DST: variants seen among roughly 807,000 people sequenced by gnomAD.
DST encodes the protein bullous pemphigoid antigen.
DST carries 253 observed loss-of-function variants against 875.2 expected under a neutral mutation model. The ratio of observed to expected loss-of-function variants is 0.29; its 90% confidence interval spans 0.26 to 0.32. DST has a LOEUF of 0.32. Among genes scored for constraint, DST ranks in the 10% least tolerant of loss-of-function variants. The pLI is 1.00. For synonymous variants in DST, 3,124 were observed against 3,197.1 expected (o/e 0.98, Z 0.77); for missense variants, 8,287 against 9,111.6 (o/e 0.91, Z 3.68).
In DST at chr6:56,606,847, A is replaced by T; in HGVS notation, c.7781T>A (p.Leu2594Gln). ...TGTGTTATTCTGCTGATCATTCAGC[A>T]GTGACGTTTCATAGTCACTAGCACT... ...TISASDYETS[L>Q]LNDQQNNTGT... is the part of the protein sequence containing the mutation. Residue 2594 changes from leucine (L) to glutamine (Q), a missense_variant, in exon 40 of 104, where the codon CTG (leucine) becomes CAG (glutamine). Physicochemically the swap from Leu to Gln is moderately radical, Grantham distance 113. This residue lies in a region of DST where 3,138 missense variants were observed against 3,116.6 expected (regional missense o/e 1.01). Coordinates refer to ENST00000680361, the MANE Select transcript of DST (RefSeq NM_001374736.1). 1 of 1,613,370 alleles carries T rather than the reference A, an allele frequency of 6.2e-7. No homozygotes were observed. Among genetic ancestry groups the T allele is most frequent in the Non-Finnish European group, 8.5e-7 (1 of 1,179,600 alleles).
intron 2 of DST, among the ~76,000 whole-genome samples, chr6:56,935,854 G>A (rs980379361): frequency 6.6e-6 from 1 of 151,342 alleles, no homozygotes; most frequent in Non-Finnish European, 1.5e-5. Flanking sequence ...GAACCCGGGA[G>A]GCAGAGGTTG....
At chr6:56,601,331 T>G in intron 44 of DST, 112 bp downstream of exon 44, 1 of 656,932 alleles carries the variant, frequency 1.5e-6, no homozygotes, top group Non-Finnish European at 2.7e-6. Context: ...CTGTATCTTA[T>G]CCATTAATGC....
chr6:56,703,367 T>C (rs879700313), intron 7 of DST, among the ~76,000 whole-genome samples: 1 of 152,188 alleles, frequency 6.6e-6, no homozygotes, highest in Non-Finnish European at 1.5e-5. Context: ...ATAAAATTGT[T>C]TAACTAAAAT....
chr6:56,629,168 A>G (rs1340652714), intron 32 of DST, 82 bp downstream of exon 32: 3 of 1,348,102 alleles, frequency 2.2e-6, no homozygotes, highest in Non-Finnish European at 3.2e-6. Flanking sequence ...GTAAAAAAAT[A>G]GCCTCATATG....
rs115604048 is a variant in DST at position 56,653,791 on chromosome 6, C to A, written c.1215-2547G>T. Among the ~76,000 whole-genome samples, 967 of 152,312 alleles carry A rather than the reference C, an allele frequency of 6.3e-3. 12 individuals carry two copies. Among genetic ancestry groups the A allele is most frequent in the African/African-American group, 0.023 (936 of 41,552 alleles). ...ACAGAGTGGTGGTCCCTTTGTCTTT[C>A]AAATCTGTCTTTCCTCTACCTGCCT... On this transcript the variant is annotated intron_variant, in intron 10 of 103. Transcript: ENST00000680361.
intron 4 of DST, among the ~76,000 whole-genome samples, chr6:56,796,183 A>T (rs924507281): frequency 3.3e-5 from 5 of 152,242 alleles, no homozygotes; most frequent in African/African-American, 1.2e-4. Context: ...GTTTGGAGAA[A>T]ATAACGTTAA....
intron 64 of DST, 32 bp downstream of exon 64, chr6:56,532,312 T>A (rs1414499597): frequency 6.2e-7 from 1 of 1,604,884 alleles, no homozygotes; most frequent in Non-Finnish European, 8.5e-7. Flanking sequence ...CCACTGCTAC[T>A]CTTTCAAAAG....
At chr6:56,950,520 C>T (rs984873264) in intron 2 of DST, among the ~76,000 whole-genome samples, 4 of 152,156 alleles carry the variant, frequency 2.6e-5, no homozygotes, top group African/African-American at 9.7e-5. Context: ...TTTAAAGTCA[C>T]AGCATAAAGC....
chr6:56,805,692 A>C (rs1406126859), intron 4 of DST, among the ~76,000 whole-genome samples: 1 of 152,220 alleles, frequency 6.6e-6, no homozygotes, highest in Non-Finnish European at 1.5e-5. Context: ...AACTTAAATT[A>C]ATCCTCAAAA....
At chr6:56,863,738 AAAC>A (rs1772525242) in intron 3 of DST, 1 of 152,226 alleles carries the variant, frequency 6.6e-6, no homozygotes, top group Admixed American at 6.5e-5. Context: ...TGTGTCCATA[AAAC>A]AATATGATGA....
At chr6:56,529,002 C>G (rs2096850382) in intron 66 of DST, 77 bp from the exon 67 acceptor site, 1 of 904,556 alleles carries the variant, frequency 1.1e-6, no homozygotes, top group East Asian at 2.6e-5. Context: ...TCTCAGAGAA[C>G]TTTAATTAGA....
At chr6:56,570,310 T>G (rs2097760320) in intron 53 of DST, among the ~76,000 whole-genome samples, 1 of 152,150 alleles carries the variant, frequency 6.6e-6, no homozygotes, top group Non-Finnish European at 1.5e-5. Flanking sequence ...TATATTTACA[T>G]TGTAATATAT....
chr6:56,476,104 A>T, intron 92 of DST, 45 bp downstream of exon 92: 1 of 1,477,792 alleles, frequency 6.8e-7, no homozygotes, highest in Non-Finnish European at 9.1e-7. Flanking sequence ...GAAAGAAAAT[A>T]TCTGAGATAA....
intron 102 of DST, 116 bp from the exon 103 acceptor site, chr6:56,460,370 G>A (rs1403509607): frequency 4.8e-6 from 5 of 1,045,612 alleles, no homozygotes; most frequent in Non-Finnish European, 6.9e-6. Flanking sequence ...TTTAGGAGGT[G>A]AAGGGGGAGA....
At chr6:56,927,032 G>A (rs963269861) in intron 2 of DST, among the ~76,000 whole-genome samples, 3 of 152,166 alleles carry the variant, frequency 2.0e-5, no homozygotes, top group African/African-American at 7.2e-5. Flanking sequence ...AGGTAAGAGG[G>A]AGAATTAATT....
Position 56,511,348 on chromosome 6 carries a change from T to C in DST, c.18629A>G (p.Lys6210Arg). ...EHKPHIDKMN[K>R]TGPQLLELSP... is the part of the protein sequence containing the mutation. ...CAATTCCAGTAACTGTGGCCCAGTT[T>C]TGTTCATCTTATCTATATGAGGCTT... Residue 6210 changes from lysine (K) to arginine (R), a missense_variant, in exon 73 of 104, where the codon AAA becomes AGA. By Grantham distance (26) the Lys-to-Arg change is conservative. Around this residue, in one of 10 missense-constraint regions of DST, gnomAD observed 1,292 missense variants for 1,552.7 expected, o/e 0.83. Transcript: ENST00000680361. 2.5e-6 allele frequency: 4 copies of C among 1,608,486 alleles called. No individual in the cohort carries two copies. The highest frequency in any genetic ancestry group is 2.5e-6 in the Non-Finnish European group (3 of 1,177,270).
intron 4 of DST, among the ~76,000 whole-genome samples, chr6:56,783,900 G>A (rs1194625729): frequency 2.0e-5 from 3 of 152,132 alleles, no homozygotes; most frequent in East Asian, 1.9e-4. Context: ...TCCTTCAGGC[G>A]CTCTTTTAGG....
At chr6:56,740,216 A>AG (rs1165338409) in intron 4 of DST, among the ~76,000 whole-genome samples, 80 of 152,270 alleles carry the variant, frequency 5.3e-4, no homozygotes, top group African/African-American at 1.9e-3. Context: ...ACTCACCCTG[A>AG]ATTCTCTCTG....
chr6:56,582,461 GC>G (rs1363970024), intron 49 of DST, among the ~76,000 whole-genome samples: 1 of 151,842 alleles, frequency 6.6e-6, no homozygotes, highest in African/African-American at 2.4e-5. Context: ...CTCCTGCTTT[GC>G]CTTGCACCAT....
Sources: allele counts gnomAD v4.1 joint callset (sites outside exome capture counted in the v4.1 genomes callset), GRCh38; gene constraint gnomAD v4.1.1; regional missense constraint gnomAD v4.1.1; transcripts MANE v1.5; gene names NCBI Gene and HGNC (gene_info 2026-07-23, HGNC 2026-07-21).